ZDHHC13: variants seen among roughly 807,000 people sequenced by gnomAD.
ZDHHC13 encodes the protein zDHHC palmitoyltransferase 13, also known as palmitoyltransferase ZDHHC13.
ZDHHC13 carries 85 observed loss-of-function variants against 86.0 expected under a neutral mutation model. The observed-to-expected ratio is 0.99, with a 90% CI of 0.83 to 1.18. The LOEUF is 1.18. Ranked by LOEUF, ZDHHC13 falls within the 50% of genes most tolerant of loss-of-function variation. ZDHHC13 has a pLI of 0.00. For missense variants in ZDHHC13, 711 were observed against 730.2 expected (o/e 0.97, Z 0.30); for synonymous variants, 263 against 246.4 (o/e 1.07, Z -0.63).
intron 1 of ZDHHC13, among the ~76,000 whole-genome samples, chr11:19,136,983 C>G (rs1382417011): frequency 6.6e-6 from 1 of 151,976 alleles, no homozygotes; most frequent in East Asian, 1.9e-4. Context: ...TAAAGACCAT[C>G]GAGACTAGGA....
intron 1 of ZDHHC13, among the ~76,000 whole-genome samples, chr11:19,123,695 A>G (rs1848805983): frequency 6.6e-6 from 1 of 152,180 alleles, no homozygotes; most frequent in South Asian, 2.1e-4. Flanking sequence ...AAAGAGAAAC[A>G]GATATGTGCA....
chr11:19,140,987 G>C (rs536051434), intron 1 of ZDHHC13, among the ~76,000 whole-genome samples: 3 of 151,664 alleles, frequency 2.0e-5, no homozygotes, highest in African/African-American at 7.3e-5. Context: ...AGTGGGTGCA[G>C]CGCACCGGCA....
intron 1 of ZDHHC13, among the ~76,000 whole-genome samples, chr11:19,140,260 TGAACAGACAC>T (rs1221059544): frequency 6.6e-6 from 1 of 151,948 alleles, no homozygotes; most frequent in African/African-American, 2.4e-5. Context: ...GCAAAGGACA[TGAACAGACAC>T]TTCTCAAAAG....
At chr11:19,129,184 TG>T in intron 1 of ZDHHC13, among the ~76,000 whole-genome samples, 1 of 152,338 alleles carries the variant, frequency 6.6e-6, no homozygotes, top group Middle Eastern at 3.4e-3. Flanking sequence ...TCTATGCATA[TG>T]ATCATGTTTT....
intron 1 of ZDHHC13, among the ~76,000 whole-genome samples, chr11:19,130,245 ATAT>A (rs1459100091): frequency 6.6e-6 from 1 of 152,082 alleles, no homozygotes; most frequent in Admixed American, 6.5e-5. Context: ...TATTTAATAG[ATAT>A]TATGTTATTT....
rs139436511 is a variant in ZDHHC13, at chr11:19,136,215, G to A, written c.28-6763G>A. 6.9e-3 allele frequency among the ~76,000 whole-genome samples: 1,044 copies of A among 152,294 alleles called. 9 individuals carry two copies. Among genetic ancestry groups the A allele is most frequent in the African/African-American group, 0.024 (985 of 41,560 alleles). On this transcript the variant is annotated intron_variant, in intron 1 of 16. Transcript: ENST00000446113. ...ATGTATGACTAGAATAACCAATACA[G>A]AGGAGTGCTTAAAGGAGCTGATGGA...
At chr11:19,122,140 G>A (rs980206311) in intron 1 of ZDHHC13, among the ~76,000 whole-genome samples, 7 of 152,140 alleles carry the variant, frequency 4.6e-5, no homozygotes, top group Admixed American at 2.6e-4. Context: ...AGGAGCTGGC[G>A]GCCAATTTCA....
intron 1 of ZDHHC13, among the ~76,000 whole-genome samples, chr11:19,134,519 A>G (rs1042415057): frequency 2.0e-5 from 3 of 152,216 alleles, no homozygotes; most frequent in Non-Finnish European, 2.9e-5. Flanking sequence ...ATGGAATGCT[A>G]TGCAGCCATA....
intron 15 of ZDHHC13, 115 bp from the exon 16 acceptor site, chr11:19,172,608 G>T: frequency 1.5e-6 from 1 of 685,546 alleles, no homozygotes; most frequent in Non-Finnish European, 2.2e-6. Flanking sequence ...TTTTCAAGGA[G>T]ATACTAAGGA....
At chr11:19,137,362 G>C (rs968994426) in intron 1 of ZDHHC13, among the ~76,000 whole-genome samples, 2 of 152,106 alleles carry the variant, frequency 1.3e-5, no homozygotes, top group Non-Finnish European at 2.9e-5. Context: ...AACAAGAAGA[G>C]CTAACTGTCC....
chr11:19,163,927 C>G (rs185200427), intron 11 of ZDHHC13, among the ~76,000 whole-genome samples: 6 of 152,230 alleles, frequency 3.9e-5, no homozygotes, highest in African/African-American at 1.4e-4. Flanking sequence ...AAAGACCCAG[C>G]CCTTGGTGCT....
Position 19,143,011 on chromosome 11 carries a change from G to C in ZDHHC13, c.61G>C (p.Gly21Arg), listed in dbSNP as rs1849364287. ...TCACAGCCATGGCCCCCACCCTCCA[G>C]GATTTGGTCGATATGGCATCTGTGC... Reference protein sequence around the residue: ...RNHSHGPHPPGFGRYGICAHE... With the variant: ...RNHSHGPHPPRFGRYGICAHE... Residue 21 changes from glycine to arginine, a missense_variant, in exon 2 of 17, where the codon GGA becomes CGA. Physicochemically the swap from Gly to Arg is moderately radical, Grantham distance 125 (BLOSUM62 -2). Coordinates refer to ENST00000446113, the MANE Select transcript of ZDHHC13 (RefSeq NM_019028.3). 6.2e-7 allele frequency: 1 copy of C among 1,611,502 alleles called. No homozygotes were observed. The highest frequency in any genetic ancestry group is 2.2e-5 in the East Asian group (1 of 44,852).
At chr11:19,143,399 T>C (rs1171219332) in intron 2 of ZDHHC13, among the ~76,000 whole-genome samples, 1 of 152,264 alleles carries the variant, frequency 6.6e-6, no homozygotes, top group African/African-American at 2.4e-5. Context: ...TTCCTTCTTG[T>C]GTAAGGTACC....
intron 15 of ZDHHC13, among the ~76,000 whole-genome samples, chr11:19,171,351 C>T (rs1411321978): frequency 2.6e-5 from 4 of 151,928 alleles, no homozygotes; most frequent in South Asian, 2.1e-4. Flanking sequence ...TACTGTAAGA[C>T]CTCAGATAAT....
intron 6 of ZDHHC13, among the ~76,000 whole-genome samples, chr11:19,151,036 T>C (rs1463800312): frequency 1.3e-5 from 2 of 152,068 alleles, no homozygotes; most frequent in African/African-American, 4.8e-5. Flanking sequence ...AGAAAAAAAT[T>C]TCCTTACCTA....
At chr11:19,118,128 T>G (rs1848686780) in intron 1 of ZDHHC13, among the ~76,000 whole-genome samples, 1 of 152,242 alleles carries the variant, frequency 6.6e-6, no homozygotes. Context: ...TGCATTATTT[T>G]ATTCCAGAAT....
intron 6 of ZDHHC13, 112 bp from the exon 7 acceptor site, chr11:19,152,046 C>G: frequency 8.5e-7 from 1 of 1,177,196 alleles, no homozygotes; most frequent in Non-Finnish European, 1.2e-6. Flanking sequence ...GTTCTGAATA[C>G]TTAACTGAAT....
At chr11:19,126,776 CAA>C (rs376764738) in intron 1 of ZDHHC13, among the ~76,000 whole-genome samples, 71 of 152,242 alleles carry the variant, frequency 4.7e-4, no homozygotes, top group African/African-American at 1.7e-3. Context: ...CGTATTCCTG[CAA>C]AAGACATGAT....
Position 19,150,791 on chromosome 11 carries a change from G to T in ZDHHC13, c.584G>T (p.Gly195Val). 2 of 1,608,496 alleles carry T rather than the reference G, an allele frequency of 1.2e-6. No individual in the cohort carries two copies. The highest frequency in any genetic ancestry group is 2.2e-5 in the South Asian group (2 of 90,486). ...ATGTTATCAGCTCACAAAGTAATTGGGTGAGTTTAATTTAGTCCACTCAAT... is the reference window on the plus strand; with the variant it reads ...ATGTTATCAGCTCACAAAGTAATTGTGTGAGTTTAATTTAGTCCACTCAAT... The part of the protein sequence containing the change: ...PLMLSAHKVI[G>V]PEPTGFLLKF... Residue 195 changes from glycine to valine, a missense_variant and splice_region_variant, in exon 6 of 17, where the codon GGG becomes GTG. Physicochemically the swap from Gly to Val is moderately radical, Grantham distance 109. Transcript: ENST00000446113.
Sources: allele counts gnomAD v4.1 joint callset (sites outside exome capture counted in the v4.1 genomes callset), GRCh38; gene constraint gnomAD v4.1.1; transcripts MANE v1.5; gene names NCBI Gene and HGNC (gene_info 2026-07-23, HGNC 2026-07-21).